GMPS: variants seen among roughly 807,000 people sequenced by gnomAD.
The protein encoded by GMPS is guanosine monophosphate synthase.
Under a neutral mutation model 77.9 loss-of-function variants are expected in GMPS, and 15 were observed. The observed-to-expected ratio is 0.19, with a 90% CI of 0.13 to 0.30. GMPS has a LOEUF of 0.30. GMPS is among the 10% of genes least tolerant of loss of function. The probability of loss-of-function intolerance (pLI) is 1.00; values close to 1 mark genes in which losing one functional copy is unlikely to be tolerated. For synonymous variants in GMPS, 224 were observed against 275.9 expected, an observed-to-expected ratio of 0.81 and a Z score of 1.86; for missense variants, 590 against 838.8, an observed-to-expected ratio of 0.70 and a Z score of 3.66.
intron 1 of GMPS, among the ~76,000 whole-genome samples, chr3:155,884,481 C>G (rs1754283886): frequency 1.3e-5 from 2 of 151,898 alleles, no homozygotes; most frequent in African/African-American, 4.8e-5. Context: ...TATTTGAGAA[C>G]TGGTCACATA....
At chr3:155,925,217 A>G in intron 11 of GMPS, 24 bp from the exon 12 acceptor site, 1 of 1,593,538 alleles carries the variant, frequency 6.3e-7, no homozygotes, top group Non-Finnish European at 8.5e-7. Flanking sequence ...AAAACTGAAA[A>G]AATGCCTCTT....
Position 155,931,875 on chromosome 3 carries a change from T to A in GMPS, c.1671T>A (p.Val557=). ...TTATACCTCGCATGTGTCACAACGT[T>A]AACAGGTGTGTTTCACAGGAGCTAG... The part of the protein sequence containing the change: ...ARLIPRMCHN[V]NRVVYIFGPP... Residue 557 remains valine, a synonymous_variant, in exon 13 of 16, where the codon GTT becomes GTA. Transcript: ENST00000496455. 1 of 1,442,760 alleles carries A rather than the reference T, an allele frequency of 6.9e-7. No individual in the cohort carries two copies. The highest frequency in any genetic ancestry group is 9.8e-7 in the Non-Finnish European group (1 of 1,024,960). The allele number at this position is 1,442,760 out of a possible 1,614,324, so 89.4% of individuals were successfully genotyped here.
At chr3:155,919,106 C>G (rs531546649) in intron 9 of GMPS, 127 bp from the exon 10 acceptor site, 31 of 555,412 alleles carry the variant, frequency 5.6e-5, no homozygotes, top group African/African-American at 5.1e-4. Context: ...TTAAAAGATG[C>G]ATTTTTAGTA....
At chr3:155,884,586 C>T (rs1312048978) in intron 1 of GMPS, among the ~76,000 whole-genome samples, 1 of 152,128 alleles carries the variant, frequency 6.6e-6, no homozygotes, top group South Asian at 2.1e-4. Flanking sequence ...GCGTTGTTTT[C>T]AAAGGTTAAA....
intron 3 of GMPS, among the ~76,000 whole-genome samples, chr3:155,900,127 C>G (rs1422039525): frequency 6.6e-6 from 1 of 152,050 alleles, no homozygotes; most frequent in Non-Finnish European, 1.5e-5. Flanking sequence ...TCAGTATATT[C>G]TAAGGAGAGT....
intron 9 of GMPS, among the ~76,000 whole-genome samples, chr3:155,917,468 A>T (rs1338110270): frequency 6.6e-6 from 1 of 152,070 alleles, no homozygotes; most frequent in Non-Finnish European, 1.5e-5. Flanking sequence ...TACTTTAAAT[A>T]CCTCATATAG....
At chr3:155,883,794 C>T (rs777760349) in intron 1 of GMPS, among the ~76,000 whole-genome samples, 1 of 151,878 alleles carries the variant, frequency 6.6e-6, no homozygotes, top group African/African-American at 2.4e-5. Context: ...AAGAAAAAAC[C>T]CAAGGAGTTT....
chr3:155,928,301 TA>T (rs1431483576), intron 12 of GMPS, among the ~76,000 whole-genome samples: 21 of 152,210 alleles, frequency 1.4e-4, no homozygotes, highest in Admixed American at 1.2e-3. Context: ...GTGCTAGGAT[TA>T]CAGGCATGAG....
At chr3:155,872,218 C>T (rs1753923487) in intron 1 of GMPS, among the ~76,000 whole-genome samples, 1 of 152,108 alleles carries the variant, frequency 6.6e-6, no homozygotes. Flanking sequence ...TTGCTTAGCA[C>T]CCGGTAATCA....
Position 155,903,845 on chromosome 3 carries a change from A to T in GMPS, c.325-18A>T, listed in dbSNP as rs752944617. ...TTTCTTTTGATTTCTATTAACATTAATTTTTTTCTTTGAACAGATGATGAA... is the reference window on the plus strand; with the variant it reads ...TTTCTTTTGATTTCTATTAACATTATTTTTTTTCTTTGAACAGATGATGAA... On this transcript the variant is annotated intron_variant, in intron 3 of 15. Coordinates refer to ENST00000496455, the MANE Select transcript of GMPS (RefSeq NM_003875.3). The T allele has an allele frequency of 1.8e-6, 2 of 1,121,300 alleles. No individual in the cohort carries two copies. The highest frequency in any genetic ancestry group is 2.6e-6 in the Non-Finnish European group (2 of 784,180). The allele number at this position is 1,121,300 out of a possible 1,614,324, so 69.5% of individuals were successfully genotyped here. A position where few individuals can be genotyped will look rare whatever the true frequency, so the allele number is the denominator to read the frequency against.
chr3:155,912,843 T>C (rs1340915991), intron 7 of GMPS, among the ~76,000 whole-genome samples: 1 of 152,164 alleles, frequency 6.6e-6, no homozygotes, highest in Non-Finnish European at 1.5e-5. Context: ...CTCAGGAATT[T>C]GAAGCATTGG....
At chr3:155,871,171 C>G (rs1438179848) in intron 1 of GMPS, among the ~76,000 whole-genome samples, 1 of 152,046 alleles carries the variant, frequency 6.6e-6, no homozygotes, top group East Asian at 1.9e-4. Flanking sequence ...GCCCCCGCCT[C>G]CCCCGCGCCG....
chr3:155,900,103 A>G (rs192968802), intron 3 of GMPS, among the ~76,000 whole-genome samples: 6 of 152,264 alleles, frequency 3.9e-5, no homozygotes, highest in African/African-American at 1.4e-4. Flanking sequence ...TGTGGACATA[A>G]ATGTTCAGCT....
At chr3:155,885,120 C>T (rs1369495302) in intron 1 of GMPS, among the ~76,000 whole-genome samples, 1 of 152,186 alleles carries the variant, frequency 6.6e-6, no homozygotes, top group African/African-American at 2.4e-5. Flanking sequence ...TAATGAATAC[C>T]TACTAGCTTG....
chr3:155,917,014 G>T (rs930905831), intron 9 of GMPS, among the ~76,000 whole-genome samples: 2 of 144,954 alleles, frequency 1.4e-5, no homozygotes, highest in Non-Finnish European at 3.0e-5. Flanking sequence ...TCACTCTATT[G>T]CCCAAGCTGG....
chr3:155,894,501 G>A (rs139294853), intron 2 of GMPS, among the ~76,000 whole-genome samples: 90 of 152,200 alleles, frequency 5.9e-4, no homozygotes, highest in Non-Finnish European at 9.7e-4. Flanking sequence ...TGGGATTACC[G>A]GCGTGAGCCA....
intron 1 of GMPS, among the ~76,000 whole-genome samples, chr3:155,887,998 A>G (rs1416157894): frequency 2.6e-5 from 4 of 152,156 alleles, no homozygotes; most frequent in Non-Finnish European, 4.4e-5. Flanking sequence ...TTAGGTTCCA[A>G]CTTCATTCAG....
chr3:155,870,581 C>G (rs1201371834), upstream of GMPS: 1 of 376,522 alleles, frequency 2.7e-6, no homozygotes, highest in Non-Finnish European at 4.8e-6. Flanking sequence ...ATCTGAGGCT[C>G]GGCTGCCAAG....
At chr3:155,927,774 G>C (rs938839208) in intron 12 of GMPS, among the ~76,000 whole-genome samples, 1 of 152,134 alleles carries the variant, frequency 6.6e-6, no homozygotes, top group Non-Finnish European at 1.5e-5. Context: ...GAAAATAAAA[G>C]AGGGGATTTG....
Sources: allele counts gnomAD v4.1 joint callset (sites outside exome capture counted in the v4.1 genomes callset), GRCh38; gene constraint gnomAD v4.1.1; transcripts MANE v1.5; gene names NCBI Gene and HGNC (gene_info 2026-07-23, HGNC 2026-07-21).